SDK1: variants seen among roughly 807,000 people sequenced by gnomAD.
SDK1 encodes protein sidekick-1.
Under a neutral mutation model 245.5 loss-of-function variants are expected in SDK1, and 157 were observed. The ratio of observed to expected loss-of-function variants is 0.64; its 90% CI spans 0.56 to 0.73. SDK1 has a LOEUF of 0.73. SDK1 is among the 30% of genes least tolerant of loss of function. SDK1 has a pLI of 0.00. For synonymous variants in SDK1, 1,647 were observed against 1,278.5 expected (o/e 1.29, Z -6.15); for missense variants, 3,583 against 3,002.3 (o/e 1.19, Z -4.52).
At chr7:3,506,070 A>G (rs1489361250) in intron 1 of SDK1, among the ~76,000 whole-genome samples, 1 of 152,116 alleles carries the variant, frequency 6.6e-6, no homozygotes, top group Admixed American at 6.6e-5. Flanking sequence ...ACCATTCATC[A>G]TATTCTTTAT....
rs112788965 is a variant in SDK1, at chr7:3,331,870, A to G, written c.298+29986A>G. ...TGGAAATACTTTTAAAGGTATTTTG[A>G]TAAGAAAATTTAAGTTTTACAATAA... On this transcript the variant is annotated intron_variant, in intron 1 of 44. Transcript: ENST00000404826. 5.3e-5 allele frequency among the ~76,000 whole-genome samples: 8 copies of G among 152,318 alleles called. 1 individual carries two copies. The highest frequency in any genetic ancestry group is 4.1e-4 in the South Asian group (2 of 4,826).
At chr7:3,436,791 C>A (rs1480150319) in intron 1 of SDK1, among the ~76,000 whole-genome samples, 2 of 152,152 alleles carry the variant, frequency 1.3e-5, no homozygotes, top group South Asian at 4.1e-4. Flanking sequence ...TCCCTGAAAT[C>A]TGTAGTCTAG....
Position 3,860,420 on chromosome 7 carries a change from A to G in SDK1, c.847+38837A>G, listed in dbSNP as rs76858347. On this transcript the variant is annotated intron_variant, in intron 5 of 44. Coordinates refer to ENST00000404826, the MANE Select transcript of SDK1 (RefSeq NM_152744.4). ...CCAGTAAATGCATGAAAAGATGGTC[A>G]AGTTGACTTTTCATCTAGGAAATCC... 9.0e-3 allele frequency among the ~76,000 whole-genome samples: 1,376 copies of G among 152,328 alleles called. 23 individuals are homozygous for G. The highest frequency in any genetic ancestry group is 0.031 in the African/African-American group (1,309 of 41,574).
At chr7:3,820,509 G>A (rs984396002) in intron 4 of SDK1, among the ~76,000 whole-genome samples, 4 of 152,196 alleles carry the variant, frequency 2.6e-5, no homozygotes, top group Middle Eastern at 3.4e-3. Context: ...AAAAGAATAC[G>A]GAATTATAAG....
intron 4 of SDK1, among the ~76,000 whole-genome samples, chr7:3,748,217 T>A (rs1392812615): frequency 1.3e-5 from 2 of 152,216 alleles, no homozygotes; most frequent in Non-Finnish European, 2.9e-5. Flanking sequence ...AAATGATGTA[T>A]CTAACATACA....
chr7:3,354,159 C>T (rs536057695), intron 1 of SDK1, among the ~76,000 whole-genome samples: 14 of 151,988 alleles, frequency 9.2e-5, no homozygotes, highest in Admixed American at 2.0e-4. Flanking sequence ...CCACCACACC[C>T]GGCTAATTTT....
intron 22 of SDK1, among the ~76,000 whole-genome samples, chr7:4,098,548 C>T (rs962302440): frequency 6.6e-6 from 1 of 152,086 alleles, no homozygotes; most frequent in Non-Finnish European, 1.5e-5. Flanking sequence ...TTTATTGTTC[C>T]AGGTATCGTG....
intron 5 of SDK1, among the ~76,000 whole-genome samples, chr7:3,834,412 T>C (rs1779984798): frequency 6.6e-6 from 1 of 152,156 alleles, no homozygotes; most frequent in Non-Finnish European, 1.5e-5. Context: ...GAAAGGGAGT[T>C]GTGTAGAAGA....
chr7:3,378,980 T>G (rs1781419094), intron 1 of SDK1, among the ~76,000 whole-genome samples: 1 of 152,100 alleles, frequency 6.6e-6, no homozygotes, highest in African/African-American at 2.4e-5. Context: ...GAGGACTTGC[T>G]CAGCTCTTCC....
chr7:3,321,840 T>TTCCTTC (rs1779822556), intron 1 of SDK1, among the ~76,000 whole-genome samples: 1 of 118,812 alleles, frequency 8.4e-6, no homozygotes, highest in Admixed American at 9.1e-5. Context: ...TCCTTTTCTC[T>TTCCTTC]CTCTCTCTCT....
chr7:3,732,742 C>CT (rs969315647), intron 4 of SDK1, among the ~76,000 whole-genome samples: 13 of 152,182 alleles, frequency 8.5e-5, no homozygotes, highest in Non-Finnish European at 1.5e-5. Flanking sequence ...GGTACGAAAA[C>CT]TTTAATTCAA....
chr7:3,718,646 A>G (rs1785274617), intron 4 of SDK1, among the ~76,000 whole-genome samples: 1 of 152,182 alleles, frequency 6.6e-6, no homozygotes, highest in South Asian at 2.1e-4. Flanking sequence ...GAGTAGCTTC[A>G]TCAACTTCGT....
intron 32 of SDK1, among the ~76,000 whole-genome samples, chr7:4,166,326 A>G (rs966023410): frequency 6.6e-6 from 1 of 152,190 alleles, no homozygotes; most frequent in Non-Finnish European, 1.5e-5. Context: ...TCCAGAGGGG[A>G]CTGAGGCAGG....
rs548338445 is a variant in SDK1, at chr7:3,438,085, G to A, written c.298+136201G>A. ...TAATTAAGTTATTTACAGCTAACCC[G>A]CACCCCAGATCTCTTGACCTAGCCC... On this transcript the variant is annotated intron_variant, in intron 1 of 44. Coordinates refer to ENST00000404826, the MANE Select transcript of SDK1 (RefSeq NM_152744.4). Among the ~76,000 whole-genome samples, 8 of 152,236 alleles carry A rather than the reference G, an allele frequency of 5.3e-5. No individual in the cohort carries two copies. The East Asian group carries it at 7.7e-4, about 15-fold the overall frequency.
chr7:3,608,476 C>G (rs763887884), intron 1 of SDK1, among the ~76,000 whole-genome samples: 2 of 152,138 alleles, frequency 1.3e-5, no homozygotes, highest in African/African-American at 4.8e-5. Context: ...ATGAAAACAA[C>G]TGACAGTATT....
intron 4 of SDK1, among the ~76,000 whole-genome samples, chr7:3,699,818 T>C (rs1348381025): frequency 6.6e-6 from 1 of 152,216 alleles, no homozygotes; most frequent in African/African-American, 2.4e-5. Flanking sequence ...AAAGATTTCC[T>C]GAATATGGCA....
chr7:3,899,034 A>G (rs1168897561), intron 5 of SDK1, among the ~76,000 whole-genome samples: 1 of 152,202 alleles, frequency 6.6e-6, no homozygotes, highest in Non-Finnish European at 1.5e-5. Flanking sequence ...TATCAGCTCA[A>G]TTTTAGGCCT....
At chr7:3,991,747 AT>A (rs1220385569) in intron 14 of SDK1, among the ~76,000 whole-genome samples, 2 of 152,002 alleles carry the variant, frequency 1.3e-5, no homozygotes, top group African/African-American at 2.4e-5. Context: ...GCCTGTTCTG[AT>A]TTCCACTGTG....
rs556670281 is a variant in SDK1 at position 4,143,976 on chromosome 7, C to G, written c.4229-1746C>G. On this transcript the variant is annotated intron_variant, in intron 28 of 44. Coordinates refer to ENST00000404826, the MANE Select transcript of SDK1 (RefSeq NM_152744.4). ...TCACGCTCTCCTCACCGTCAGAGTG[C>G]GGGGCGGCCAGGAGCCCCGAAGCCT... 3.3e-5 allele frequency among the ~76,000 whole-genome samples: 5 copies of G among 152,322 alleles called. No homozygotes were observed. The South Asian group carries it at 1.0e-3, about 32-fold the overall frequency.
Sources: gnomAD v4.1 joint callset for allele counts (sites outside exome capture counted in the v4.1 genomes callset) on GRCh38, gnomAD v4.1.1 for gene constraint, MANE v1.5 for transcripts, NCBI Gene and HGNC (gene_info 2026-07-23, HGNC 2026-07-21) for gene names.